Variants in ENO4 observed in about 807,000 individuals in gnomAD.
ENO4 encodes 2-phospho-D-glycerate hydro-lyase.
In ENO4, 53 loss-of-function variants were observed where a neutral mutation model predicts 63.2. That is an observed-to-expected ratio of 0.84 (90% CI 0.67 to 1.05). The LOEUF is 1.05. Ranked by LOEUF, ENO4 falls within the 50% of genes least tolerant of loss-of-function variation. ENO4 has a pLI of 0.00. For synonymous variants in ENO4, 266 were observed against 283.8 expected, an observed-to-expected ratio of 0.94 and a Z score of 0.63; for missense variants, 719 against 772.0, an observed-to-expected ratio of 0.93 and a Z score of 0.81.
At chr10:116,853,024 G>A (rs1477154615) in intron 1 of ENO4, among the ~76,000 whole-genome samples, 5 of 152,128 alleles carry the variant, frequency 3.3e-5, no homozygotes, top group African/African-American at 9.7e-5. Context: ...GGCCGGGCGC[G>A]GTGGCTCACG....
chr10:116,904,283 C>G (rs763531198), intron 10 of ENO4, among the ~76,000 whole-genome samples: 11 of 152,144 alleles, frequency 7.2e-5, no homozygotes, highest in Admixed American at 1.3e-4. Flanking sequence ...TACTTTCCCC[C>G]CTGGAATTTT....
rs749388410 is a variant in ENO4 at position 116,881,710 on chromosome 10, A to C, written c.*41A>C. 1.4e-6 allele frequency: 2 copies of C among 1,392,442 alleles called. No individual in the cohort carries two copies. Among genetic ancestry groups the C allele is most frequent in the African/African-American group, 3.0e-5 (2 of 67,732 alleles). The allele number at this position is 1,392,442 out of a possible 1,614,324, so 86.3% of individuals were successfully genotyped here. A position where few individuals can be genotyped will look rare whatever the true frequency, so the allele number is the denominator to read the frequency against. ...AGGTTCCAGCCACACCATCAGTATT[A>C]GTAGACCGGGAGGTCTGAAGTACGG... On this transcript the variant is annotated 3_prime_UTR_variant, in exon 14 of 14. Transcript: ENST00000341276.
intron 10 of ENO4, among the ~76,000 whole-genome samples, chr10:116,906,912 A>G (rs1218318035): frequency 6.6e-6 from 1 of 152,236 alleles, no homozygotes; most frequent in Non-Finnish European, 1.5e-5. Context: ...ATTTTCAACA[A>G]GACAGAGTGT....
At chr10:116,875,940 T>A in intron 10 of ENO4, 125 bp from the exon 11 acceptor site, 1 of 642,294 alleles carries the variant, frequency 1.6e-6, no homozygotes, top group Non-Finnish European at 2.4e-6. Context: ...GGAACAGAAG[T>A]AAAAGAAAAT....
At chr10:116,873,952 C>G in intron 9 of ENO4, 124 bp from the exon 10 acceptor site, 1 of 1,324,904 alleles carries the variant, frequency 7.5e-7, no homozygotes, top group Admixed American at 2.9e-5. Flanking sequence ...GTCAACGTGC[C>G]CTGAAAAGAA....
intron 7 of ENO4, among the ~76,000 whole-genome samples, chr10:116,865,250 C>G (rs900624728): frequency 6.6e-6 from 1 of 152,032 alleles, no homozygotes; most frequent in Non-Finnish European, 1.5e-5. Context: ...TACAGTGGCA[C>G]GATTTCGGCT....
At position 116,875,809 on chromosome 10, in the gene ENO4, T is replaced by C. The variant is rs371810080; in HGVS notation, c.1342-256T>C. 8.5e-4 allele frequency among the ~76,000 whole-genome samples: 130 copies of C among 152,276 alleles called. 1 individual carries two copies. Among genetic ancestry groups the C allele is most frequent in the African/African-American group, 3.0e-3 (125 of 41,554 alleles). On this transcript the variant is annotated intron_variant, in intron 10 of 13. Transcript: ENST00000341276. ...TGGGTCTGAAGAACTCTAAAATCCATGTAAGAAATAACATTTAGTGTAGTA... is the reference window on the plus strand; with the variant it reads ...TGGGTCTGAAGAACTCTAAAATCCACGTAAGAAATAACATTTAGTGTAGTA...
At chr10:116,865,111 C>A (rs1846517132) in intron 7 of ENO4, among the ~76,000 whole-genome samples, 1 of 151,624 alleles carries the variant, frequency 6.6e-6, no homozygotes, top group African/African-American at 2.4e-5. Flanking sequence ...TGCTTTACTT[C>A]TTTGCCCTTT....
intron 10 of ENO4, among the ~76,000 whole-genome samples, chr10:116,896,703 G>T (rs1294818368): frequency 6.6e-6 from 1 of 152,016 alleles, no homozygotes; most frequent in East Asian, 1.9e-4. Flanking sequence ...CCAGCAGAGC[G>T]GCTCCGAAGC....
Position 116,906,875 on chromosome 10 carries a change from A to G in ENO4, c.1195-4624A>G, listed in dbSNP as rs1407083768. 2.5e-5 allele frequency: 18 copies of G among 730,782 alleles called. No homozygotes were observed. In the East Asian group the frequency reaches 5.5e-4, roughly 22 times the overall value. 45.3% of individuals were successfully genotyped at this position (730,782 alleles called of 1,614,324 possible). On this transcript the variant is annotated intron_variant, in intron 10 of 10. Coordinates refer to the ENO4 transcript ENST00000369207. ...AATTATGAAACAAAATGAATTTGCTATATATTAATATTTTTTAAATGTGCA... is the reference window on the plus strand; with the variant it reads ...AATTATGAAACAAAATGAATTTGCTGTATATTAATATTTTTTAAATGTGCA...
intron 9 of ENO4, among the ~76,000 whole-genome samples, chr10:116,871,647 G>C (rs900761785): frequency 6.6e-6 from 1 of 152,218 alleles, no homozygotes; most frequent in African/African-American, 2.4e-5. Flanking sequence ...AAGTAGATGA[G>C]TTGTAACTTA....
rs745427148 is a variant in ENO4, at chr10:116,871,228, G to A, written c.1151G>A (p.Gly384Glu). 1 of 1,550,382 alleles carries A rather than the reference G, an allele frequency of 6.5e-7. No homozygotes were observed. The highest frequency in any genetic ancestry group is 8.7e-7 in the Non-Finnish European group (1 of 1,146,962). ...LLIQEICANL[G>E]LELGTNLHLA... The stretch of plus-strand genomic sequence containing the variant: ...ATACAGGAAATCTGTGCCAACCTGG[G>A]GCTAGAACTGGGAACAAATCTGCAT... Residue 384 changes from glycine to glutamate, a missense_variant, in exon 9 of 14, where the codon GGG becomes GAG. Around this residue, in one of 3 missense-constraint regions of ENO4, gnomAD observed 544 missense variants for 583.6 expected, o/e 0.93. Transcript: ENST00000341276.
chr10:116,863,380 A>ACACACACG (rs1846468750), intron 7 of ENO4, among the ~76,000 whole-genome samples: 1 of 151,706 alleles, frequency 6.6e-6, no homozygotes, highest in Non-Finnish European at 1.5e-5. Flanking sequence ...ACACACACAC[A>ACACACACG]CACACACGCA....
chr10:116,897,863 C>T (rs1847576075), intron 10 of ENO4, among the ~76,000 whole-genome samples: 1 of 152,134 alleles, frequency 6.6e-6, no homozygotes, highest in South Asian at 2.1e-4. Flanking sequence ...TGTGGACAGG[C>T]ACCGGCTTAG....
At position 116,856,696 on chromosome 10, in the gene ENO4, T is replaced by C. The variant is rs1196361852; in HGVS notation, c.485+14T>C. On this transcript the variant is annotated intron_variant, in intron 3 of 13. Coordinates refer to ENST00000341276, the MANE Select transcript of ENO4 (RefSeq NM_001242699.2). ...TCACCTACTCAGGTACAGTTTCCAC[T>C]TTGAAATATAAACATCAAGTACAAG... is the stretch of plus-strand genomic sequence containing the variant. The C allele has an allele frequency of 4.7e-6, 7 of 1,504,292 alleles. No individual in the cohort carries two copies. The highest frequency in any genetic ancestry group is 6.2e-6 in the Non-Finnish European group (7 of 1,130,696). The allele number at this position is 1,504,292 out of a possible 1,614,324, so 93.2% of individuals were successfully genotyped here.
At position 116,874,093 on chromosome 10, in the gene ENO4, A is replaced by C; in HGVS notation, c.1233A>C (p.Glu411Asp). The change falls in exon 10 of 14, where the codon GAA (glutamate) becomes GAC (aspartate). Residue 411 changes from glutamate (E) to aspartate (D), a missense_variant. By Grantham distance (45) the Glu-to-Asp change is conservative. This residue lies in a region of ENO4 where 544 missense variants were observed against 583.6 expected (regional missense o/e 0.93). Coordinates refer to ENST00000341276, the MANE Select transcript of ENO4 (RefSeq NM_001242699.2). The stretch of plus-strand genomic sequence containing the variant: ...CATATCAGAATAAAGGAAAGTATGA[A>C]GTGATCATGGGCACATACAAAAATG... The part of the protein sequence containing the change: ...ELMDYNKGKY[E>D]VIMGTYKNAA... 1 of 1,548,324 alleles carries C rather than the reference A, an allele frequency of 6.5e-7. No individual in the cohort carries two copies.
chr10:116,879,198 T>A (rs1589765568), intron 11 of ENO4, 93 bp from the exon 12 acceptor site: 1 of 880,990 alleles, frequency 1.1e-6, no homozygotes, highest in Non-Finnish European at 1.7e-6. Context: ...CAGGGAAGTT[T>A]TAAATCTGAG....
chr10:116,859,096 C>T lies in ENO4; in HGVS notation c.592C>T (p.Pro198Ser). 1 of 1,532,818 alleles carries T rather than the reference C, an allele frequency of 6.5e-7. No homozygotes were observed. The highest frequency in any genetic ancestry group is 8.7e-7 in the Non-Finnish European group (1 of 1,144,754). 95.0% of individuals were successfully genotyped at this position (1,532,818 alleles called of 1,614,324 possible). ...ACCTCTACCTCCAGTACCACCACCA[C>T]CACCCCCTCCACCTCCTACCAAAAA... ...PTPLPPVPPP[P>S]PPPPPTKKKG... Residue 198 changes from proline to serine, a missense_variant, in exon 4 of 14, where the codon CCA becomes TCA. Transcript: ENST00000341276.
rs746920613 is a variant in ENO4, at chr10:116,860,953, A to G, written c.794A>G (p.Lys265Arg). 1 of 1,540,960 alleles carries G rather than the reference A, an allele frequency of 6.5e-7. No individual in the cohort carries two copies. The highest frequency in any genetic ancestry group is 1.2e-5 in the South Asian group (1 of 83,078). The change falls in exon 5 of 14, where the codon AAG becomes AGG. Residue 265 changes from lysine (K) to arginine (R), a missense_variant. Lys to Arg is a conservative substitution (Grantham distance 26, BLOSUM62 2). Transcript: ENST00000341276. Reference sequence around the variant, plus strand: ...CTGTACTTAAATATCGCTCTACTGAAGCACAATCAGGTTAGTATCTATGAA... The same window carrying G: ...CTGTACTTAAATATCGCTCTACTGAGGCACAATCAGGTTAGTATCTATGAA... ...KPLYLNIALL[K>R]HNQEQPTTLS...
Sources: allele counts gnomAD v4.1 joint callset (sites outside exome capture counted in the v4.1 genomes callset), GRCh38; gene constraint gnomAD v4.1.1; regional missense constraint gnomAD v4.1.1; transcripts MANE v1.5; gene names NCBI Gene and HGNC (gene_info 2026-07-23, HGNC 2026-07-21).